Variants in CEP120 observed in about 807,000 individuals in gnomAD.
CEP120 encodes centrosomal protein 120.
A neutral mutation model predicts 126.5 loss-of-function variants in CEP120; 113 were observed. That is an observed-to-expected ratio of 0.89 (90% CI 0.77 to 1.04). The LOEUF is 1.04. Among genes scored for constraint, CEP120 ranks in the 50% least tolerant of loss-of-function variants. The pLI, the probability that CEP120 is intolerant of heterozygous loss-of-function variation, is 0.00. For synonymous variants in CEP120, 400 were observed against 394.3 expected (o/e 1.01, Z -0.17); for missense variants, 1,230 against 1,155.7 (o/e 1.06, Z -0.93).
chr5:123,405,935 A>AT (rs1773616461), intron 4 of CEP120, among the ~76,000 whole-genome samples: 1 of 152,186 alleles, frequency 6.6e-6, no homozygotes, highest in South Asian at 2.1e-4. Flanking sequence ...AATATGCCTT[A>AT]TAAGGCTTTA....
At chr5:123,368,810 T>G (rs1770652219) in intron 17 of CEP120, among the ~76,000 whole-genome samples, 1 of 151,990 alleles carries the variant, frequency 6.6e-6, no homozygotes, top group Admixed American at 6.6e-5. Context: ...TGATGTATAA[T>G]ATCACAACAG....
chr5:123,378,231 C>A, intron 15 of CEP120, 105 bp downstream of exon 15: 1 of 754,730 alleles, frequency 1.3e-6, no homozygotes, highest in South Asian at 2.2e-5. Flanking sequence ...CATCCTGAGT[C>A]CCTTCTCTCT....
At chr5:123,400,759 G>C (rs182548475) in intron 4 of CEP120, among the ~76,000 whole-genome samples, 177 of 151,064 alleles carry the variant, frequency 1.2e-3, no homozygotes, top group Admixed American at 4.4e-3. Context: ...ATGGGCAAAG[G>C]GGGGGTCCCC....
chr5:123,359,457 G>A (rs1769907339), intron 18 of CEP120, among the ~76,000 whole-genome samples: 1 of 152,044 alleles, frequency 6.6e-6, no homozygotes, highest in South Asian at 2.1e-4. Flanking sequence ...GTTGTTTAGA[G>A]CACAAGTAGG....
intron 4 of CEP120, chr5:123,403,096 T>G: frequency 3.2e-6 from 1 of 316,642 alleles, no homozygotes; most frequent in East Asian, 9.8e-5. Flanking sequence ...TAAGACCATA[T>G]GTATATATAC....
At chr5:123,393,586 T>A in intron 5 of CEP120, 89 bp from the exon 6 acceptor site, 1 of 1,109,026 alleles carries the variant, frequency 9.0e-7, no homozygotes, top group Non-Finnish European at 1.3e-6. Context: ...AAACATTTGC[T>A]AAAATGTTTT....
At chr5:123,405,432 G>C (rs955879704) in intron 4 of CEP120, among the ~76,000 whole-genome samples, 1 of 152,160 alleles carries the variant, frequency 6.6e-6, no homozygotes, top group Admixed American at 6.5e-5. Context: ...AGACAATTCT[G>C]TTCTTGTTAA....
intron 10 of CEP120, among the ~76,000 whole-genome samples, chr5:123,386,269 A>G (rs988371598): frequency 2.6e-5 from 4 of 152,166 alleles, no homozygotes; most frequent in Non-Finnish European, 4.4e-5. Flanking sequence ...GTTTGTTTTA[A>G]CAAAGTTAAA....
In CEP120 at chr5:123,388,558, T is replaced by C. The variant is rs368287993; in HGVS notation, c.1304A>G (p.Asn435Ser). The change falls in exon 9 of 20, where the codon AAT (asparagine) becomes AGT (serine). Residue 435 changes from asparagine to serine, a missense_variant. Asn to Ser is a conservative substitution (Grantham distance 46). Coordinates refer to ENST00000306467, the MANE Select transcript of CEP120 (RefSeq NM_001375405.1). ...ASLAQLVTTS[N>S]ASEVASGQKI... is the part of the protein sequence containing the mutation. The stretch of plus-strand genomic sequence containing the variant: ...CTGTCCTGAAGCTACTTCTGAAGCA[T>C]TGGATGTAGTCACTAGCTGGGCCAG... The C allele has an allele frequency of 1.9e-5, 31 of 1,607,856 alleles. No homozygotes were observed. Among genetic ancestry groups the C allele is most frequent in the African/African-American group, 8.0e-5 (6 of 74,648 alleles).
chr5:123,382,107 T>C lies in CEP120; in HGVS notation c.2103+4A>G, dbSNP rs1240262877. 6.3e-7 allele frequency: 1 copy of C among 1,577,112 alleles called. No homozygotes were observed. Among genetic ancestry groups the C allele is most frequent in the African/African-American group, 1.4e-5 (1 of 74,028 alleles). ...CTCTTCCTCACTTTTACACAAGTTA[T>C]TACCTTTTTCTTTACTAGTGATTCT... is the stretch of plus-strand genomic sequence containing the variant. On this transcript the variant is annotated splice_donor_region_variant and intron_variant, in intron 14 of 19. Coordinates refer to ENST00000306467, the MANE Select transcript of CEP120 (RefSeq NM_001375405.1).
At chr5:123,415,879 G>T in intron 3 of CEP120, 131 bp downstream of exon 3, 1 of 521,812 alleles carries the variant, frequency 1.9e-6, no homozygotes, top group Non-Finnish European at 3.4e-6. Context: ...AAAAAAAAAA[G>T]AACTGCCATA....
chr5:123,372,161 T>G (rs1370699810), intron 17 of CEP120, among the ~76,000 whole-genome samples: 1 of 152,064 alleles, frequency 6.6e-6, no homozygotes, highest in Non-Finnish European at 1.5e-5. Flanking sequence ...AATACTCCTA[T>G]CTAGGACATT....
chr5:123,373,760 C>T (rs1562024416), intron 16 of CEP120, among the ~76,000 whole-genome samples: 2 of 152,010 alleles, frequency 1.3e-5, no homozygotes, highest in Non-Finnish European at 2.9e-5. Flanking sequence ...CTCGGGTACC[C>T]CAATGGAGCC....
At chr5:123,350,872 C>T (rs900073865) in intron 18 of CEP120, among the ~76,000 whole-genome samples, 3 of 152,092 alleles carry the variant, frequency 2.0e-5, no homozygotes, top group Non-Finnish European at 2.9e-5. Context: ...ATGGATATTC[C>T]ATGACTTATT....
chr5:123,379,083 G>A (rs1461252713), intron 14 of CEP120, among the ~76,000 whole-genome samples: 1 of 152,068 alleles, frequency 6.6e-6, no homozygotes, highest in African/African-American at 2.4e-5. Flanking sequence ...GTGTTTCAAA[G>A]ACAGAGATAA....
chr5:123,400,850 A>T lies in CEP120; in HGVS notation c.464-1566T>A. On this transcript the variant is annotated intron_variant, in intron 4 of 19. Coordinates refer to ENST00000306467, the MANE Select transcript of CEP120 (RefSeq NM_001375405.1). ...TCTCCTGTTCCCAGTGCTACCCTGC[A>T]TAGTGACCTCCCTCCCAGGCTCTGG... The T allele has an allele frequency of 3.1e-6, 3 of 968,122 alleles. No individual in the cohort carries two copies. The Admixed American group carries it at 5.1e-5, about 16-fold the overall frequency. The allele number at this position is 968,122 out of a possible 1,614,324, so 60.0% of individuals were successfully genotyped here. A position where few individuals can be genotyped will look rare whatever the true frequency, so the allele number is the denominator to read the frequency against.
chr5:123,378,488 C>G lies in CEP120; in HGVS notation c.2104-60G>C, dbSNP rs1580676943. On this transcript the variant is annotated intron_variant, in intron 14 of 19. Transcript: ENST00000306467. ...CCTACCTTCTCCCAAACTTAAAACA[C>G]ACACAAATTCAAAAATACACATCAT... 3.2e-6 allele frequency: 3 copies of G among 952,276 alleles called. No individual in the cohort carries two copies. The East Asian group carries it at 8.7e-5, about 27-fold the overall frequency. The allele number at this position is 952,276 out of a possible 1,614,324, so 59.0% of individuals were successfully genotyped here. A position where few individuals can be genotyped will look rare whatever the true frequency, so the allele number is the denominator to read the frequency against.
chr5:123,412,257 C>G, intron 4 of CEP120, 142 bp downstream of exon 4: 1 of 673,804 alleles, frequency 1.5e-6, no homozygotes, highest in East Asian at 3.0e-5. Flanking sequence ...GCAACAAGTG[C>G]TGCATGTGTA....
intron 17 of CEP120, among the ~76,000 whole-genome samples, chr5:123,369,630 T>C (rs1036228071): frequency 6.6e-6 from 1 of 151,922 alleles, no homozygotes; most frequent in Non-Finnish European, 1.5e-5. Flanking sequence ...TTCTATAACT[T>C]TTCACATTGC....
Sources: gnomAD v4.1 joint callset for allele counts (sites outside exome capture counted in the v4.1 genomes callset) on GRCh38, gnomAD v4.1.1 for gene constraint, MANE v1.5 for transcripts, NCBI Gene and HGNC (gene_info 2026-07-23, HGNC 2026-07-21) for gene names.